PLA2G4A: variants seen among roughly 807,000 people sequenced by gnomAD.
PLA2G4A encodes cytosolic phospholipase A2.
A neutral mutation model predicts 81.9 loss-of-function variants in PLA2G4A; 40 were observed. The ratio of observed to expected loss-of-function variants is 0.49; its 90% CI spans 0.38 to 0.64. PLA2G4A has a LOEUF of 0.64. Ranked by LOEUF, PLA2G4A falls within the 30% of genes least tolerant of loss-of-function variation. The pLI is 0.00. For missense variants in PLA2G4A, 715 were observed against 905.1 expected, an observed-to-expected ratio of 0.79 and a Z score of 2.69; for synonymous variants, 302 against 296.9, an observed-to-expected ratio of 1.02 and a Z score of -0.18.
chr1:186,923,209 G>C (rs1227399171), intron 7 of PLA2G4A, among the ~76,000 whole-genome samples: 1 of 152,170 alleles, frequency 6.6e-6, no homozygotes. Context: ...ACTCTTGTTA[G>C]AACTTGTGGT....
intron 12 of PLA2G4A, among the ~76,000 whole-genome samples, chr1:186,948,002 A>G (rs1417858341): frequency 2.0e-5 from 3 of 152,204 alleles, no homozygotes; most frequent in Non-Finnish European, 4.4e-5. Context: ...CATGCAAAAG[A>G]GAATACAATT....
intron 13 of PLA2G4A, 116 bp from the exon 14 acceptor site, chr1:186,955,986 C>T (rs1028592166): frequency 4.1e-5 from 34 of 826,224 alleles, no homozygotes; most frequent in African/African-American, 2.2e-4. Context: ...ATGATCCGCC[C>T]GCCTTGGCCT....
At chr1:186,889,597 TAGGAG>T (rs1278358261) in intron 3 of PLA2G4A, among the ~76,000 whole-genome samples, 1 of 152,164 alleles carries the variant, frequency 6.6e-6, no homozygotes, top group Non-Finnish European at 1.5e-5. Context: ...CATAAAGAAC[TAGGAG>T]CAATACTGAA....
At chr1:186,920,685 TG>T (rs1655317220) in intron 7 of PLA2G4A, among the ~76,000 whole-genome samples, 4 of 152,234 alleles carry the variant, frequency 2.6e-5, no homozygotes, top group Non-Finnish European at 5.9e-5. Flanking sequence ...GTTGCAAGCG[TG>T]GGTGATTAGA....
chr1:186,922,943 T>G (rs1228779788), intron 7 of PLA2G4A, among the ~76,000 whole-genome samples: 1 of 152,206 alleles, frequency 6.6e-6, no homozygotes, highest in Admixed American at 6.5e-5. Flanking sequence ...TCACAGTGCT[T>G]TTCTATACAA....
intron 4 of PLA2G4A, 95 bp downstream of exon 4, chr1:186,893,254 C>A (rs1475111411): frequency 1.9e-6 from 2 of 1,072,632 alleles, no homozygotes; most frequent in African/African-American, 1.6e-5. Flanking sequence ...TTCCTGTTAG[C>A]TATAGTTGGA....
chr1:186,861,986 A>C (rs28412072), intron 2 of PLA2G4A, among the ~76,000 whole-genome samples: 1 of 149,264 alleles, frequency 6.7e-6, no homozygotes, highest in Non-Finnish European at 1.5e-5. Flanking sequence ...ATTTATATAT[A>C]ATTATATACC....
intron 1 of PLA2G4A, among the ~76,000 whole-genome samples, chr1:186,830,249 C>T (rs1044165834): frequency 6.6e-6 from 1 of 152,158 alleles, no homozygotes; most frequent in Non-Finnish European, 1.5e-5. Flanking sequence ...GTTTTACAAA[C>T]TTCCCTTAGG....
At chr1:186,868,479 T>G (rs1653118279) in intron 2 of PLA2G4A, among the ~76,000 whole-genome samples, 1 of 152,236 alleles carries the variant, frequency 6.6e-6, no homozygotes, top group Non-Finnish European at 1.5e-5. Context: ...TGTAGTTTTC[T>G]TTTCTTGTAA....
chr1:186,929,926 G>A (rs1287409443), intron 7 of PLA2G4A, among the ~76,000 whole-genome samples: 2 of 151,898 alleles, frequency 1.3e-5, no homozygotes, highest in Non-Finnish European at 2.9e-5. Context: ...GCCAGGTGTG[G>A]TGCACCTTTA....
chr1:186,969,444 A>G (rs1293346220), intron 15 of PLA2G4A, among the ~76,000 whole-genome samples: 2 of 151,842 alleles, frequency 1.3e-5, no homozygotes, highest in African/African-American at 2.4e-5. Flanking sequence ...TTTGAAATAT[A>G]TAATAAATTA....
At chr1:186,919,139 A>C (rs993994633) in intron 7 of PLA2G4A, among the ~76,000 whole-genome samples, 1 of 152,212 alleles carries the variant, frequency 6.6e-6, no homozygotes, top group Non-Finnish European at 1.5e-5. Flanking sequence ...CCTTTAACTT[A>C]CAAAAGGCTT....
intron 6 of PLA2G4A, among the ~76,000 whole-genome samples, chr1:186,907,506 GAACGT>G (rs1654783466): frequency 6.6e-6 from 1 of 152,140 alleles, no homozygotes; most frequent in Non-Finnish European, 1.5e-5. Context: ...CTCCAAAACT[GAACGT>G]TAGGGAATCA....
chr1:186,853,990 A>G (rs1652466506), intron 1 of PLA2G4A, among the ~76,000 whole-genome samples: 1 of 151,990 alleles, frequency 6.6e-6, no homozygotes, highest in Non-Finnish European at 1.5e-5. Context: ...CCGTAATTTC[A>G]ACATATTTCT....
At chr1:186,958,490 C>T (rs536561991) in intron 14 of PLA2G4A, among the ~76,000 whole-genome samples, 15 of 152,122 alleles carry the variant, frequency 9.9e-5, no homozygotes, top group South Asian at 2.1e-4. Flanking sequence ...TAGAGCATGT[C>T]GATATATAGA....
chr1:186,930,600 A>T (rs1469026180), intron 7 of PLA2G4A, among the ~76,000 whole-genome samples: 1 of 152,154 alleles, frequency 6.6e-6, no homozygotes, highest in Admixed American at 6.6e-5. Context: ...GTTACTAAGA[A>T]CTTTTTTTCT....
chr1:186,983,779 G>A (rs181151941), intron 17 of PLA2G4A, among the ~76,000 whole-genome samples: 3 of 152,028 alleles, frequency 2.0e-5, no homozygotes, highest in Non-Finnish European at 4.4e-5. Context: ...GGATGCAGAG[G>A]CATTGGAGTC....
At chr1:186,917,294 C>T (rs983721210) in intron 7 of PLA2G4A, among the ~76,000 whole-genome samples, 4 of 152,124 alleles carry the variant, frequency 2.6e-5, no homozygotes, top group South Asian at 2.1e-4. Flanking sequence ...CTGTAGCTGT[C>T]GCTGTAATTC....
At chr1:186,957,614 C>A (rs1360442592) in intron 14 of PLA2G4A, among the ~76,000 whole-genome samples, 1 of 152,194 alleles carries the variant, frequency 6.6e-6, no homozygotes, top group African/African-American at 2.4e-5. Flanking sequence ...CTTGAGTAAG[C>A]CAGCCTGTAG....
Sources: gnomAD v4.1 joint callset for allele counts (sites outside exome capture counted in the v4.1 genomes callset) on GRCh38, gnomAD v4.1.1 for gene constraint, MANE v1.5 for transcripts, NCBI Gene and HGNC (gene_info 2026-07-23, HGNC 2026-07-21) for gene names.